UVSSA: variants seen among roughly 807,000 people sequenced by gnomAD.
The protein encoded by UVSSA is UV-stimulated scaffold protein A.
Under a neutral mutation model 73.9 loss-of-function variants are expected in UVSSA, and 72 were observed. That is an observed-to-expected ratio of 0.97 (90% confidence interval 0.81 to 1.19). The LOEUF is 1.19. Ranked by LOEUF, UVSSA falls within the 50% of genes most tolerant of loss-of-function variation. The probability of loss-of-function intolerance (pLI) is 0.00; values close to 1 mark genes in which losing one functional copy is unlikely to be tolerated. For synonymous variants in UVSSA, 454 were observed against 391.3 expected, an observed-to-expected ratio of 1.16 and a Z score of -1.89; for missense variants, 1,150 against 965.0, an observed-to-expected ratio of 1.19 and a Z score of -2.54.
At chr4:1,348,881 A>T (rs548613613) in intron 2 of UVSSA, among the ~76,000 whole-genome samples, 1 of 152,194 alleles carries the variant, frequency 6.6e-6, no homozygotes, top group East Asian at 1.9e-4. Flanking sequence ...AGGGGCTGGG[A>T]GATGTCCCGA....
chr4:1,366,820 A>T (rs1717390524), intron 8 of UVSSA, among the ~76,000 whole-genome samples: 1 of 152,094 alleles, frequency 6.6e-6, no homozygotes, highest in South Asian at 2.1e-4. Flanking sequence ...CACCCAGCAC[A>T]CCGGCCTGCT....
At chr4:1,381,673 T>A (rs1719518434) in intron 12 of UVSSA, among the ~76,000 whole-genome samples, 1 of 151,398 alleles carries the variant, frequency 6.6e-6, no homozygotes, top group Non-Finnish European at 1.5e-5. Flanking sequence ...CTCTTCTTTT[T>A]ACTTTGATTT....
chr4:1,386,659 T>A lies in UVSSA; in HGVS notation c.*698T>A, dbSNP rs1393686778. 6.6e-6 allele frequency: 1 copy of A among 152,112 alleles called. No individual in the cohort carries two copies. Among genetic ancestry groups the A allele is most frequent in the East Asian group, 1.9e-4 (1 of 5,196 alleles). 9.4% of individuals were successfully genotyped at this position (152,112 alleles called of 1,614,324 possible). A position where few individuals can be genotyped will look rare whatever the true frequency, so the allele number is the denominator to read the frequency against. On this transcript the variant is annotated 3_prime_UTR_variant, in exon 14 of 14. Coordinates refer to ENST00000389851, the MANE Select transcript of UVSSA (RefSeq NM_020894.4). Reference sequence around the variant, plus strand: ...TTTGTGTATCTCCTTTGGAGAGGAGTCTATTCAAACCTCTTGCCTATTTTT... The same window carrying A: ...TTTGTGTATCTCCTTTGGAGAGGAGACTATTCAAACCTCTTGCCTATTTTT...
At chr4:1,379,375 G>A (rs148074661) in intron 10 of UVSSA, among the ~76,000 whole-genome samples, 337 of 152,300 alleles carry the variant, frequency 2.2e-3, no homozygotes, top group South Asian at 7.7e-3. Context: ...CTCTGAGGCC[G>A]GCCTCCTCTT....
chr4:1,377,084 G>T (rs750968404), intron 10 of UVSSA, among the ~76,000 whole-genome samples: 1 of 152,218 alleles, frequency 6.6e-6, no homozygotes, highest in South Asian at 2.1e-4. Context: ...GGGGCGTGAT[G>T]CGGGAGCGTC....
At chr4:1,353,548 C>T (rs1715146365) in intron 5 of UVSSA, 135 bp downstream of exon 5, 15 of 1,234,302 alleles carry the variant, frequency 1.2e-5, no homozygotes, top group Non-Finnish European at 1.6e-5. Context: ...GGGTCACCAC[C>T]AGGTTTTTCC....
chr4:1,395,779 C>T, exon 14 of UVSSA: 12 of 1,614,244 alleles, frequency 7.4e-6, no homozygotes, highest in Non-Finnish European at 1.0e-5. Context: ...GTACATTCTA[C>T]TCATGGTGGC....
At chr4:1,342,901 C>A (rs549264947), upstream of UVSSA, among the ~76,000 whole-genome samples, 41 of 152,054 alleles carry the variant, frequency 2.7e-4, no homozygotes, top group African/African-American at 9.4e-4. Context: ...TAAGGCAAAT[C>A]TTGAAACCAG....
At chr4:1,383,646 G>A (rs573772532) in intron 12 of UVSSA, 120 bp from the exon 13 acceptor site, 473 of 1,236,452 alleles carry the variant, frequency 3.8e-4, no homozygotes, top group Non-Finnish European at 5.3e-4. Context: ...GGGTACGGCC[G>A]TGGGCAAGGC....
chr4:1,392,694 A>G (rs1302363808), downstream of UVSSA: 1 of 152,136 alleles, frequency 6.6e-6, no homozygotes, highest in Non-Finnish European at 1.5e-5. Context: ...TGGTGTGTCT[A>G]ATTGTGGATC....
intron 4 of UVSSA, 148 bp from the exon 5 acceptor site, chr4:1,352,882 C>A: frequency 8.9e-7 from 1 of 1,122,990 alleles, no homozygotes; most frequent in Non-Finnish European, 1.2e-6. Context: ...AAGGTCGAGG[C>A]TGGGGTGAGC....
In UVSSA at chr4:1,361,602, G is replaced by A. The variant is rs150634205; in HGVS notation, c.1177-4718G>A. On this transcript the variant is annotated intron_variant, in intron 7 of 13. Coordinates refer to ENST00000389851, the MANE Select transcript of UVSSA (RefSeq NM_020894.4). ...GCTGCAGTCAGCCCTGCACCGCTCC[G>A]CCCTCCGTCCTCTCAAGGTGCGTCC... Among the ~76,000 whole-genome samples, 36 of 152,326 alleles carry A rather than the reference G, an allele frequency of 2.4e-4. 1 individual carries two copies. The highest frequency in any genetic ancestry group is 6.8e-3 in the Middle Eastern group (2 of 294).
intron 8 of UVSSA, among the ~76,000 whole-genome samples, chr4:1,373,800 G>A (rs779825328): frequency 2.9e-4 from 44 of 152,248 alleles, no homozygotes; most frequent in African/African-American, 8.2e-4. Context: ...TTCCTCCCTC[G>A]CTGTCTGCGG....
chr4:1,370,235 GC>G (rs1409569031), intron 8 of UVSSA, among the ~76,000 whole-genome samples: 1 of 152,178 alleles, frequency 6.6e-6, no homozygotes, highest in Non-Finnish European at 1.5e-5. Context: ...TGTCAGTCTT[GC>G]CTCCGTCACT....
At chr4:1,349,002 G>GGT (rs1553874563) in intron 2 of UVSSA, among the ~76,000 whole-genome samples, 5 of 95,910 alleles carry the variant, frequency 5.2e-5, no homozygotes, top group African/African-American at 1.1e-4. Context: ...GGCGGTGTGC[G>GGT]TTGTGCCGGG....
chr4:1,382,423 C>T (rs1183702262), intron 12 of UVSSA, among the ~76,000 whole-genome samples: 1 of 152,220 alleles, frequency 6.6e-6, no homozygotes, highest in Non-Finnish European at 1.5e-5. Context: ...TTTTCCTTTC[C>T]CTGGTGCTAA....
chr4:1,378,635 G>A (rs942528961), intron 10 of UVSSA, among the ~76,000 whole-genome samples: 1 of 152,200 alleles, frequency 6.6e-6, no homozygotes, highest in African/African-American at 2.4e-5. Flanking sequence ...GGTGGAGCCC[G>A]TGGTGTGGCT....
intron 6 of UVSSA, 116 bp downstream of exon 6, chr4:1,354,963 G>A (rs1479291251): frequency 1.0e-5 from 16 of 1,531,338 alleles, no homozygotes; most frequent in East Asian, 4.9e-5. Context: ...CTTAACCCGC[G>A]AGGGCTCTGT....
At chr4:1,347,163 G>A (rs1293401330), upstream of UVSSA, 3 of 152,232 alleles carry the variant, frequency 2.0e-5, no homozygotes, top group African/African-American at 7.2e-5. Flanking sequence ...AGAGGTCTTG[G>A]GCACCTGACA....
Sources: allele counts gnomAD v4.1 joint callset (sites outside exome capture counted in the v4.1 genomes callset), GRCh38; gene constraint gnomAD v4.1.1; transcripts MANE v1.5; gene names NCBI Gene and HGNC (gene_info 2026-07-23, HGNC 2026-07-21).